Variants in HPSE2 observed in about 807,000 individuals in gnomAD.
HPSE2 encodes heparanase 2 (inactive), also known as inactive heparanase-2.
In HPSE2, 38 loss-of-function variants were observed where a neutral mutation model predicts 60.5. The observed-to-expected ratio is 0.63, with a 90% CI of 0.48 to 0.82. The LOEUF (loss-of-function observed/expected upper bound fraction) is 0.82, where lower values mean the gene tolerates loss of function less well. HPSE2 is among the 40% of genes least tolerant of loss of function. HPSE2 has a pLI of 0.00. For missense variants in HPSE2, 713 were observed against 740.4 expected (o/e 0.96, Z 0.43); for synonymous variants, 295 against 293.2 (o/e 1.01, Z -0.06).
chr10:98,797,442 C>G (rs1950802281), intron 3 of HPSE2, among the ~76,000 whole-genome samples: 1 of 151,864 alleles, frequency 6.6e-6, no homozygotes, highest in Admixed American at 6.6e-5. Context: ...TCAGAGGATA[C>G]AAAAGAAAGA....
chr10:98,716,439 TAAAAAATA>T (rs892019964), intron 5 of HPSE2, among the ~76,000 whole-genome samples: 9 of 78,170 alleles, frequency 1.2e-4, no homozygotes, highest in Admixed American at 3.3e-4. Flanking sequence ...AGTATAATAA[TAAAAAATA>T]AATAAATAAA....
At chr10:98,904,433 T>A (rs562842881) in intron 3 of HPSE2, among the ~76,000 whole-genome samples, 1 of 152,280 alleles carries the variant, frequency 6.6e-6, no homozygotes, top group South Asian at 2.1e-4. Context: ...GCTTTGAAGA[T>A]GAAGAGAAAT....
chr10:99,092,862 T>G (rs1053208863), intron 3 of HPSE2, among the ~76,000 whole-genome samples: 1 of 152,200 alleles, frequency 6.6e-6, no homozygotes, highest in Non-Finnish European at 1.5e-5. Context: ...CTTGTTGACT[T>G]CCGAGAATCT....
intron 7 of HPSE2, among the ~76,000 whole-genome samples, chr10:98,625,905 A>G (rs1946194631): frequency 6.6e-6 from 1 of 152,156 alleles, no homozygotes; most frequent in South Asian, 2.1e-4. Flanking sequence ...GATAGAGACC[A>G]GCCTGGCTAA....
chr10:99,136,642 CAT>C (rs1172371028), intron 3 of HPSE2, among the ~76,000 whole-genome samples: 5 of 152,282 alleles, frequency 3.3e-5, no homozygotes, highest in East Asian at 1.9e-4. Context: ...ACAAAAACCA[CAT>C]GATTATCTCA....
intron 2 of HPSE2, among the ~76,000 whole-genome samples, chr10:99,194,023 A>C (rs1235109774): frequency 6.6e-6 from 1 of 152,076 alleles, no homozygotes; most frequent in African/African-American, 2.4e-5. Context: ...CAGACCACGT[A>C]AGGCCACAAA....
rs1262568581 is a variant in HPSE2 at position 98,814,716 on chromosome 10, A to T, written c.611-70660T>A. Among the ~76,000 whole-genome samples the T allele has an allele frequency of 2.6e-5, 4 of 152,250 alleles. No homozygotes were observed. In the South Asian group the frequency reaches 6.2e-4, roughly 24 times the overall value. ...AAGTATTACAATGCTCCAGGGTAAG[A>T]AGCAGCAGAGTTTTATTAATTTAAC... is the stretch of plus-strand genomic sequence containing the variant. On this transcript the variant is annotated intron_variant, in intron 3 of 11. Coordinates refer to ENST00000370552, the MANE Select transcript of HPSE2 (RefSeq NM_021828.5).
intron 3 of HPSE2, among the ~76,000 whole-genome samples, chr10:98,767,377 G>T (rs1043472094): frequency 2.0e-5 from 3 of 151,772 alleles, no homozygotes; most frequent in African/African-American, 7.3e-5. Context: ...AAACAAGGGA[G>T]TTGCCTAATA....
At chr10:98,912,108 G>A (rs1164098192) in intron 3 of HPSE2, among the ~76,000 whole-genome samples, 1 of 152,116 alleles carries the variant, frequency 6.6e-6, no homozygotes, top group Non-Finnish European at 1.5e-5. Flanking sequence ...GATTCAAGAG[G>A]TATTTATGAG....
chr10:98,604,020 T>C (rs1945507337), intron 9 of HPSE2, among the ~76,000 whole-genome samples: 1 of 152,090 alleles, frequency 6.6e-6, no homozygotes, highest in Admixed American at 6.5e-5. Flanking sequence ...GGATGCTTCC[T>C]CTCCCCCCAT....
chr10:98,721,550 T>G, intron 5 of HPSE2, 107 bp downstream of exon 5: 1 of 1,154,470 alleles, frequency 8.7e-7, no homozygotes, highest in Non-Finnish European at 1.2e-6. Flanking sequence ...TCCTTTTTTC[T>G]TAAGACCAAA....
At chr10:98,493,088 G>A (rs560589559) in intron 9 of HPSE2, among the ~76,000 whole-genome samples, 5 of 152,196 alleles carry the variant, frequency 3.3e-5, no homozygotes, top group South Asian at 2.1e-4. Flanking sequence ...TTTGTGACTG[G>A]CTTATTTCAC....
chr10:98,668,606 A>G (rs1363920902), intron 6 of HPSE2, among the ~76,000 whole-genome samples: 1 of 152,206 alleles, frequency 6.6e-6, no homozygotes, highest in East Asian at 1.9e-4. Flanking sequence ...AAAGCCACAC[A>G]GCTATAACCA....
chr10:99,148,566 G>A (rs180917474), intron 2 of HPSE2, among the ~76,000 whole-genome samples: 3 of 152,246 alleles, frequency 2.0e-5, no homozygotes, highest in East Asian at 1.9e-4. Context: ...CAAGGTGGGC[G>A]CATCACCTGA....
At chr10:98,491,301 T>C (rs950580490) in intron 9 of HPSE2, among the ~76,000 whole-genome samples, 4 of 152,208 alleles carry the variant, frequency 2.6e-5, no homozygotes, top group African/African-American at 4.8e-5. Context: ...CAAAGCCCCT[T>C]TGCCACTAGA....
At chr10:98,459,833 T>C (rs1554907469) in intron 11 of HPSE2, 94 bp from the exon 12 acceptor site, 10 of 1,146,896 alleles carry the variant, frequency 8.7e-6, no homozygotes, top group Non-Finnish European at 1.3e-5. Context: ...CAGTGTCTGA[T>C]ACACACACAC....
At chr10:98,585,117 T>C (rs190098312) in intron 9 of HPSE2, among the ~76,000 whole-genome samples, 137 of 152,268 alleles carry the variant, frequency 9.0e-4, no homozygotes, top group African/African-American at 3.1e-3. Flanking sequence ...TGGTGCTACA[T>C]GGGGGTTGTA....
At chr10:98,930,615 G>T (rs1442411559) in intron 3 of HPSE2, among the ~76,000 whole-genome samples, 2 of 144,488 alleles carry the variant, frequency 1.4e-5, no homozygotes, top group Admixed American at 6.9e-5. Flanking sequence ...GTGTACAAGC[G>T]TTCCTATTTC....
chr10:99,228,437 C>T (rs1054651506), intron 2 of HPSE2, among the ~76,000 whole-genome samples: 4 of 151,998 alleles, frequency 2.6e-5, no homozygotes, highest in African/African-American at 9.7e-5. Flanking sequence ...ATTAAAGATG[C>T]AGTTATGGTC....
Sources: gnomAD v4.1 joint callset for allele counts (sites outside exome capture counted in the v4.1 genomes callset) on GRCh38, gnomAD v4.1.1 for gene constraint, MANE v1.5 for transcripts, NCBI Gene and HGNC (gene_info 2026-07-23, HGNC 2026-07-21) for gene names.